VRK2: variants seen among roughly 807,000 people sequenced by gnomAD.
VRK2 encodes the protein serine/threonine-protein kinase VRK2.
In VRK2, 60 loss-of-function variants were observed where a neutral mutation model predicts 57.6. The observed-to-expected ratio is 1.04, with a 90% confidence interval of 0.85 to 1.29. VRK2 has a LOEUF of 1.29. Ranked by LOEUF, VRK2 falls within the 50% of genes most tolerant of loss-of-function variation. The pLI is 0.00. For synonymous variants in VRK2, 231 were observed against 199.2 expected, an observed-to-expected ratio of 1.16 and a Z score of -1.35; for missense variants, 705 against 588.1, an observed-to-expected ratio of 1.20 and a Z score of -2.06.
At chr2:57,937,721 T>A (rs1572882712) in intron 1 of VRK2, among the ~76,000 whole-genome samples, 1 of 152,320 alleles carries the variant, frequency 6.6e-6, no homozygotes, top group East Asian at 1.9e-4. Context: ...CATACTTTCT[T>A]TACCCTTCCA....
At chr2:57,983,998 C>G (rs902313008) in intron 1 of VRK2, among the ~76,000 whole-genome samples, 4 of 152,016 alleles carry the variant, frequency 2.6e-5, no homozygotes, top group Admixed American at 6.6e-5. Flanking sequence ...ACTGGGGTTC[C>G]CATATACTTC....
At chr2:57,945,555 T>C (rs1453882119) in intron 1 of VRK2, among the ~76,000 whole-genome samples, 1 of 152,194 alleles carries the variant, frequency 6.6e-6, no homozygotes, top group Non-Finnish European at 1.5e-5. Context: ...TTCACTCTAC[T>C]TGAAATATCT....
At chr2:57,980,445 T>C (rs993426334) in intron 1 of VRK2, among the ~76,000 whole-genome samples, 1 of 152,206 alleles carries the variant, frequency 6.6e-6, no homozygotes, top group East Asian at 1.9e-4. Context: ...AGAATTGCTT[T>C]ATAGCAGAGC....
intron 1 of VRK2, among the ~76,000 whole-genome samples, chr2:57,981,868 G>A (rs1248634166): frequency 2.6e-5 from 4 of 152,142 alleles, no homozygotes; most frequent in Admixed American, 6.5e-5. Context: ...TCCAGATTAT[G>A]AACTCTATGT....
intron 1 of VRK2, among the ~76,000 whole-genome samples, chr2:57,963,159 A>AAGCTAG (rs1446454914): frequency 1.3e-5 from 2 of 152,188 alleles, no homozygotes; most frequent in African/African-American, 4.8e-5. Flanking sequence ...TAGTTCCCCA[A>AAGCTAG]AGCTAGATAC....
chr2:58,102,312 A>AT (rs1471427069), intron 7 of VRK2, among the ~76,000 whole-genome samples: 6 of 151,266 alleles, frequency 4.0e-5, no homozygotes, highest in South Asian at 2.1e-4. Flanking sequence ...GCCAGAATGG[A>AT]TTTTTTTTAA....
At chr2:57,982,017 G>C (rs1023317009) in intron 1 of VRK2, among the ~76,000 whole-genome samples, 2 of 152,172 alleles carry the variant, frequency 1.3e-5, no homozygotes. Flanking sequence ...GTGGGCTGAT[G>C]TTCCTTTAAT....
chr2:58,068,706 A>T (rs1572931845), intron 2 of VRK2, among the ~76,000 whole-genome samples: 1 of 149,844 alleles, frequency 6.7e-6, no homozygotes, highest in Admixed American at 6.7e-5. Flanking sequence ...ATTTTTTCAT[A>T]GTTTATCTCT....
chr2:57,982,670 C>A (rs987506901), intron 1 of VRK2, among the ~76,000 whole-genome samples: 1 of 152,096 alleles, frequency 6.6e-6, no homozygotes, highest in Non-Finnish European at 1.5e-5. Flanking sequence ...AAGGCAGGAA[C>A]CCTAGGAGGG....
intron 2 of VRK2, among the ~76,000 whole-genome samples, chr2:58,054,095 T>G (rs1248738211): frequency 6.6e-6 from 1 of 152,096 alleles, no homozygotes; most frequent in Non-Finnish European, 1.5e-5. Flanking sequence ...TTTAAAGAGA[T>G]AGCAGTACCC....
chr2:58,070,419 C>T (rs891466116), intron 2 of VRK2, among the ~76,000 whole-genome samples: 4 of 152,146 alleles, frequency 2.6e-5, no homozygotes, highest in Non-Finnish European at 5.9e-5. Context: ...CAGTCTCATA[C>T]AGACTAATTT....
chr2:57,952,718 TTA>T (rs1671464017), intron 1 of VRK2, among the ~76,000 whole-genome samples: 2 of 151,732 alleles, frequency 1.3e-5, no homozygotes, highest in Admixed American at 6.6e-5. Context: ...AGAGCAGGTG[TTA>T]TCTTTACTAC....
intron 1 of VRK2, among the ~76,000 whole-genome samples, chr2:57,923,491 T>C (rs1010171210): frequency 6.6e-6 from 1 of 151,728 alleles, no homozygotes; most frequent in Admixed American, 6.6e-5. Context: ...TGATGTTGAG[T>C]ACCTTTTCAT....
intron 1 of VRK2, among the ~76,000 whole-genome samples, chr2:57,989,645 C>T (rs910478082): frequency 6.6e-6 from 1 of 152,162 alleles, no homozygotes; most frequent in Admixed American, 6.5e-5. Context: ...CAATAAACAA[C>T]TAGGACCTCT....
At chr2:58,060,822 C>T (rs28521626) in intron 2 of VRK2, among the ~76,000 whole-genome samples, 9,242 of 151,788 alleles carry the variant, frequency 0.061, 953 homozygotes, top group African/African-American at 0.21. Context: ...ACTACTTCAG[C>T]TCTCACTTCA....
intron 1 of VRK2, among the ~76,000 whole-genome samples, chr2:57,957,644 A>C (rs1409092428): frequency 2.0e-5 from 3 of 148,328 alleles, no homozygotes; most frequent in Non-Finnish European, 3.0e-5. Context: ...ATATATATAT[A>C]TCCATATAGA....
intron 1 of VRK2, among the ~76,000 whole-genome samples, chr2:57,975,461 G>C (rs942307502): frequency 6.6e-6 from 1 of 151,858 alleles, no homozygotes. Flanking sequence ...GAAATTTTTG[G>C]CTCTGACCCC....
chr2:58,077,084 A>T (rs1177554940), intron 2 of VRK2, among the ~76,000 whole-genome samples: 1 of 152,056 alleles, frequency 6.6e-6, no homozygotes, highest in Non-Finnish European at 1.5e-5. Context: ...AAGATGACAC[A>T]ATATGTGTAG....
intron 1 of VRK2, among the ~76,000 whole-genome samples, chr2:57,983,454 A>G (rs1400436761): frequency 6.6e-6 from 1 of 152,124 alleles, no homozygotes; most frequent in Non-Finnish European, 1.5e-5. Context: ...TAACATATTC[A>G]CAGGTTTCAG....
Sources: allele counts gnomAD v4.1 joint callset (sites outside exome capture counted in the v4.1 genomes callset), GRCh38; gene constraint gnomAD v4.1.1; transcripts MANE v1.5; gene names NCBI Gene and HGNC (gene_info 2026-07-23, HGNC 2026-07-21).